The following DCC variants were observed in gnomAD, a reference collection of about 807,000 sequenced individuals.
DCC encodes the protein netrin receptor DCC.
DCC carries 58 observed loss-of-function variants against 172.5 expected under a neutral mutation model. That is an observed-to-expected ratio of 0.34 (90% CI 0.27 to 0.42). The LOEUF is 0.42. DCC is among the 10% of genes least tolerant of loss of function. The probability of loss-of-function intolerance (pLI) is 1.00; values close to 1 mark genes in which losing one functional copy is unlikely to be tolerated. For missense variants in DCC, 1,740 were observed against 1,791.0 expected (o/e 0.97, Z 0.51); for synonymous variants, 709 against 644.5 (o/e 1.10, Z -1.52).
At chr18:53,459,504 C>T (rs1422965019) in intron 24 of DCC, 46 bp downstream of exon 24, 1 of 1,300,130 alleles carries the variant, frequency 7.7e-7, no homozygotes, top group African/African-American at 1.5e-5. Flanking sequence ...CCATTCTGAA[C>T]CCAAGGGAGT....
At chr18:53,280,658 C>A (rs929905464) in intron 12 of DCC, among the ~76,000 whole-genome samples, 1 of 151,692 alleles carries the variant, frequency 6.6e-6, no homozygotes. Flanking sequence ...TTTTCTCTTT[C>A]TCAAAATCAC....
intron 9 of DCC, among the ~76,000 whole-genome samples, chr18:53,192,042 C>G (rs1221448719): frequency 6.6e-6 from 1 of 152,162 alleles, no homozygotes; most frequent in Non-Finnish European, 1.5e-5. Context: ...AACTTCTTAT[C>G]TTTTGAATAC....
At chr18:53,101,836 T>C (rs959037141) in intron 7 of DCC, among the ~76,000 whole-genome samples, 1 of 150,880 alleles carries the variant, frequency 6.6e-6, no homozygotes, top group African/African-American at 2.4e-5. Context: ...TATTTGTGTG[T>C]GTGTGCGTGT....
In DCC at chr18:52,595,091, A is replaced by T. The variant is rs556790588; in HGVS notation, c.92-156963A>T. On this transcript the variant is annotated intron_variant, in intron 1 of 28. Transcript: ENST00000442544. The stretch of plus-strand genomic sequence containing the variant: ...TGTATCACTTCCCTCTCCAATTCTC[A>T]TACTGGATCATCCTGCCAATGCCTT... Among the ~76,000 whole-genome samples, 3 of 152,214 alleles carry T rather than the reference A, an allele frequency of 2.0e-5. No homozygotes were observed. The East Asian group carries it at 5.8e-4, about 29-fold the overall frequency.
chr18:53,214,214 TG>T (rs1245907825), intron 11 of DCC, among the ~76,000 whole-genome samples: 1 of 152,062 alleles, frequency 6.6e-6, no homozygotes, highest in Non-Finnish European at 1.5e-5. Flanking sequence ...ATGAGCATTT[TG>T]TCAGAAACTA....
intron 5 of DCC, among the ~76,000 whole-genome samples, chr18:53,049,752 A>G (rs927617308): frequency 6.6e-6 from 1 of 152,182 alleles, no homozygotes; most frequent in South Asian, 2.1e-4. Flanking sequence ...AGTTTGATAG[A>G]AATAGCATTG....
chr18:53,352,130 G>T (rs539924479), intron 15 of DCC, among the ~76,000 whole-genome samples: 50 of 152,012 alleles, frequency 3.3e-4, no homozygotes, highest in African/African-American at 1.2e-3. Flanking sequence ...GAAAAACAAG[G>T]TATTTTAGCA....
intron 2 of DCC, among the ~76,000 whole-genome samples, chr18:52,775,100 C>T (rs942889145): frequency 1.1e-4 from 16 of 152,240 alleles, no homozygotes; most frequent in Admixed American, 3.9e-4. Context: ...CTGACAGTTT[C>T]CCTTCGTCCA....
At chr18:52,455,594 G>A (rs905121479) in intron 1 of DCC, among the ~76,000 whole-genome samples, 5 of 152,146 alleles carry the variant, frequency 3.3e-5, no homozygotes, top group Admixed American at 1.3e-4. Context: ...CAAGACTCAG[G>A]TACAAGTCAA....
At position 53,402,886 on chromosome 18, in the gene DCC, A is replaced by G; in HGVS notation, c.2928A>G (p.Lys976=). 3.1e-6 allele frequency: 5 copies of G among 1,609,204 alleles called. No individual in the cohort carries two copies. The highest frequency in any genetic ancestry group is 4.3e-6 in the Non-Finnish European group (5 of 1,175,530). Residue 976 remains lysine, a synonymous_variant, in exon 19 of 29, where the codon AAA becomes AAG. Transcript: ENST00000442544. ...SWQPPLEANG[K]ITAYILFYTL... ...AGCCTCCCTTGGAAGCCAATGGGAA[A>G]ATTACTGGTAAGCATCTCCACTTTC...
intron 1 of DCC, among the ~76,000 whole-genome samples, chr18:52,559,622 A>T (rs1424398256): frequency 6.6e-6 from 1 of 152,154 alleles, no homozygotes; most frequent in East Asian, 1.9e-4. Context: ...TAAATCATGC[A>T]CAGCAAACCT....
chr18:52,531,362 G>C (rs779120049), intron 1 of DCC, among the ~76,000 whole-genome samples: 2 of 152,174 alleles, frequency 1.3e-5, no homozygotes, highest in Non-Finnish European at 2.9e-5. Flanking sequence ...ACTGGAAAAG[G>C]CTGAAGTTCT....
intron 7 of DCC, among the ~76,000 whole-genome samples, chr18:53,141,645 T>C: frequency 6.6e-6 from 1 of 152,204 alleles, no homozygotes; most frequent in East Asian, 1.9e-4. Context: ...GTGGATTCTT[T>C]CAATGACACA....
At chr18:53,327,849 T>C (rs986258771) in intron 14 of DCC, among the ~76,000 whole-genome samples, 2 of 152,190 alleles carry the variant, frequency 1.3e-5, no homozygotes, top group Non-Finnish European at 2.9e-5. Context: ...AGATTTTCTT[T>C]CTTGTACTTT....
intron 1 of DCC, among the ~76,000 whole-genome samples, chr18:52,421,642 C>T (rs1020307841): frequency 2.0e-5 from 3 of 152,322 alleles, no homozygotes; most frequent in African/African-American, 7.2e-5. Context: ...GTGATCTTGG[C>T]ACTTGAGCCT....
At chr18:52,617,333 A>G (rs994727037) in intron 1 of DCC, among the ~76,000 whole-genome samples, 40 of 152,160 alleles carry the variant, frequency 2.6e-4, no homozygotes, top group Non-Finnish European at 4.4e-5. Flanking sequence ...GTCCTTATTT[A>G]TTGAGGAGAT....
At chr18:52,584,534 T>A (rs911072949) in intron 1 of DCC, among the ~76,000 whole-genome samples, 5 of 152,102 alleles carry the variant, frequency 3.3e-5, no homozygotes, top group Non-Finnish European at 7.4e-5. Flanking sequence ...GTGCAGTGGT[T>A]TAGACTAACG....
chr18:53,212,668 TTTTTTTTTTTC>T (rs1292098160), intron 11 of DCC, among the ~76,000 whole-genome samples: 60 of 61,876 alleles, frequency 9.7e-4, no homozygotes, highest in Non-Finnish European at 1.5e-3. Context: ...CAATTCTTGT[TTTTTTTTTTTC>T]TTTTTTTTTG....
At chr18:53,268,316 T>C (rs1325400147) in intron 12 of DCC, among the ~76,000 whole-genome samples, 2 of 152,186 alleles carry the variant, frequency 1.3e-5, no homozygotes, top group East Asian at 1.9e-4. Flanking sequence ...AAATAGAACA[T>C]GTAACAGATA....
Sources: gnomAD v4.1 joint callset for allele counts (sites outside exome capture counted in the v4.1 genomes callset) on GRCh38, gnomAD v4.1.1 for gene constraint, MANE v1.5 for transcripts, NCBI Gene and HGNC (gene_info 2026-07-23, HGNC 2026-07-21) for gene names.